The following KHDRBS2 variants were observed in gnomAD, a reference collection of about 807,000 sequenced individuals.
KHDRBS2 encodes the protein KH RNA binding domain containing, signal transduction associated 2.
Under a neutral mutation model 44.3 loss-of-function variants are expected in KHDRBS2, and 26 were observed. The observed-to-expected ratio is 0.59, with a 90% CI of 0.43 to 0.81. The LOEUF is 0.81. Among genes scored for constraint, KHDRBS2 ranks in the 40% least tolerant of loss-of-function variants. The probability of loss-of-function intolerance (pLI) is 0.00; values close to 1 mark genes in which losing one functional copy is unlikely to be tolerated. For synonymous variants in KHDRBS2, 194 were observed against 151.1 expected (o/e 1.28, Z -2.08); for missense variants, 476 against 433.1 (o/e 1.10, Z -0.88).
intron 6 of KHDRBS2, among the ~76,000 whole-genome samples, chr6:61,761,874 T>C (rs1779320067): frequency 6.6e-6 from 1 of 152,164 alleles, no homozygotes; most frequent in South Asian, 2.1e-4. Context: ...ATTCATTCTT[T>C]TCAGGTTTAA....
the KHDRBS2 span, among the ~76,000 whole-genome samples, chr6:61,653,327 G>A: frequency 6.6e-6 from 1 of 152,014 alleles, no homozygotes; most frequent in African/African-American, 2.4e-5. Flanking sequence ...TGTGGACAGG[G>A]TATAAACACT....
chr6:61,699,881 T>C (rs1768380273), intron 7 of KHDRBS2, among the ~76,000 whole-genome samples: 1 of 151,970 alleles, frequency 6.6e-6, no homozygotes, highest in African/African-American at 2.4e-5. Context: ...TAAAAAATTA[T>C]GGTAATGTGT....
intron 3 of KHDRBS2, among the ~76,000 whole-genome samples, chr6:61,982,040 G>A (rs746987070): frequency 4.6e-5 from 7 of 152,018 alleles, no homozygotes; most frequent in Non-Finnish European, 8.8e-5. Flanking sequence ...ATGAATTCAC[G>A]TCAGATATTT....
chr6:62,161,583 G>C lies in KHDRBS2; in HGVS notation c.219+15602C>G, dbSNP rs866333825. Among the ~76,000 whole-genome samples, 238 of 122,904 alleles carry C rather than the reference G, an allele frequency of 1.9e-3. 27 individuals are homozygous for C. The highest frequency in any genetic ancestry group is 4.5e-3 in the Admixed American group (54 of 12,098). The allele number at this position is 122,904 out of a possible 152,430, so 80.6% of individuals were successfully genotyped here. ...GAATTTTGGTATTTGCGGGGGGGGG[G>C]GGGGTCCCAGAACAAATCCTCTGAA... On this transcript the variant is annotated intron_variant, in intron 2 of 8. Coordinates refer to ENST00000281156, the MANE Select transcript of KHDRBS2 (RefSeq NM_152688.4).
intron 2 of KHDRBS2, among the ~76,000 whole-genome samples, chr6:62,088,000 C>T (rs13201244): frequency 4.1e-4 from 63 of 152,202 alleles, no homozygotes; most frequent in Non-Finnish European, 7.8e-4. Context: ...TTAATACTTG[C>T]GTATGCTTCA....
chr6:61,714,335 A>G (rs542108876), intron 7 of KHDRBS2, among the ~76,000 whole-genome samples: 1 of 152,082 alleles, frequency 6.6e-6, no homozygotes, highest in African/African-American at 2.4e-5. Context: ...TAAAACCACA[A>G]TAAGATACCA....
At chr6:61,814,689 G>T (rs777454827) in intron 6 of KHDRBS2, among the ~76,000 whole-genome samples, 6 of 152,146 alleles carry the variant, frequency 3.9e-5, no homozygotes, top group Non-Finnish European at 8.8e-5. Flanking sequence ...GTATGGGTTT[G>T]TTTGGGTTCA....
chr6:61,607,545 A>AAAAAAATG, the KHDRBS2 span, among the ~76,000 whole-genome samples: 1 of 147,572 alleles, frequency 6.8e-6, no homozygotes. Flanking sequence ...AAAAAAAAAA[A>AAAAAAATG]GATGTGTGAG....
the KHDRBS2 span, among the ~76,000 whole-genome samples, chr6:61,543,404 C>T: frequency 6.6e-6 from 1 of 152,062 alleles, no homozygotes; most frequent in African/African-American, 2.4e-5. Context: ...AATATCATCT[C>T]ATCCCAGTTA....
At chr6:62,038,866 T>C (rs546195925) in intron 3 of KHDRBS2, among the ~76,000 whole-genome samples, 150 of 152,214 alleles carry the variant, frequency 9.9e-4, no homozygotes, top group African/African-American at 3.6e-3. Flanking sequence ...AGATTAAATA[T>C]CCTTATTATT....
chr6:61,971,439 T>C (rs955799764), intron 4 of KHDRBS2, among the ~76,000 whole-genome samples: 1 of 152,174 alleles, frequency 6.6e-6, no homozygotes, highest in Non-Finnish European at 1.5e-5. Flanking sequence ...TATTTAGCTC[T>C]TTAAAAAGTA....
chr6:61,886,188 G>A (rs1432868960), intron 6 of KHDRBS2, among the ~76,000 whole-genome samples: 3 of 152,064 alleles, frequency 2.0e-5, no homozygotes, highest in African/African-American at 7.2e-5. Flanking sequence ...ATCTTCAGGT[G>A]GCATTTTATT....
At chr6:62,173,639 CT>C (rs913592472) in intron 2 of KHDRBS2, among the ~76,000 whole-genome samples, 1 of 151,962 alleles carries the variant, frequency 6.6e-6, no homozygotes, top group Non-Finnish European at 1.5e-5. Context: ...GGCCTATATC[CT>C]TGATGAACGT....
chr6:62,130,024 C>A (rs1203092211), intron 2 of KHDRBS2, among the ~76,000 whole-genome samples: 2 of 152,106 alleles, frequency 1.3e-5, no homozygotes, highest in Admixed American at 1.3e-4. Flanking sequence ...CTACTAATTC[C>A]AGATAATTTT....
intron 6 of KHDRBS2, among the ~76,000 whole-genome samples, chr6:61,764,585 T>C (rs972524743): frequency 2.6e-5 from 4 of 152,206 alleles, no homozygotes; most frequent in African/African-American, 9.7e-5. Flanking sequence ...TTGTATGAGA[T>C]GGTATCTCAT....
chr6:62,239,589 G>A (rs67101162), intron 1 of KHDRBS2, among the ~76,000 whole-genome samples: 1 of 88,860 alleles, frequency 1.1e-5, no homozygotes, highest in African/African-American at 4.9e-5. Flanking sequence ...ATAAATGAAT[G>A]AATAAATAAA....
intron 6 of KHDRBS2, among the ~76,000 whole-genome samples, chr6:61,764,946 T>A (rs1359525632): frequency 3.2e-5 from 4 of 123,156 alleles, no homozygotes; most frequent in African/African-American, 8.2e-5. Flanking sequence ...TTAAAAAAAA[T>A]CAAAAACTTA....
chr6:61,822,625 T>C (rs1333435989), intron 6 of KHDRBS2, among the ~76,000 whole-genome samples: 4 of 152,018 alleles, frequency 2.6e-5, no homozygotes, highest in Non-Finnish European at 5.9e-5. Context: ...TAAATCACCC[T>C]AAAATTTTTC....
At chr6:61,633,054 T>TTAC in the KHDRBS2 span, among the ~76,000 whole-genome samples, 1 of 152,088 alleles carries the variant, frequency 6.6e-6, no homozygotes, top group African/African-American at 2.4e-5. Context: ...CCACAAAGGC[T>TTAC]TACTATATTC....
Sources: allele counts gnomAD v4.1 joint callset (sites outside exome capture counted in the v4.1 genomes callset), GRCh38; gene constraint gnomAD v4.1.1; transcripts MANE v1.5; gene names NCBI Gene and HGNC (gene_info 2026-07-23, HGNC 2026-07-21).